Variants in FAM133B observed in about 807,000 individuals in gnomAD.
The protein encoded by FAM133B is family with sequence similarity 133 member B.
In FAM133B, 25 loss-of-function variants were observed where a neutral mutation model predicts 46.4. That is an observed-to-expected ratio of 0.54 (90% confidence interval 0.39 to 0.75). The LOEUF is 0.75. Among genes scored for constraint, FAM133B ranks in the 30% least tolerant of loss-of-function variants. FAM133B has a pLI of 0.00. For synonymous variants in FAM133B, 75 were observed against 86.0 expected (o/e 0.87, Z 0.71); for missense variants, 205 against 277.6 (o/e 0.74, Z 1.86).
intron 9 of FAM133B, among the ~76,000 whole-genome samples, chr7:92,568,504 C>T (rs992563418): frequency 5.5e-4 from 83 of 151,294 alleles, no homozygotes; most frequent in African/African-American, 2.0e-3. Flanking sequence ...ATTACAGGCA[C>T]CTGCCACCAC....
chr7:92,571,957 A>C (rs1794544272), intron 8 of FAM133B, among the ~76,000 whole-genome samples: 1 of 152,122 alleles, frequency 6.6e-6, no homozygotes, highest in African/African-American at 2.4e-5. Flanking sequence ...TTTGGTTACT[A>C]CTATAAAGAG....
chr7:92,574,118 C>G lies in FAM133B; in HGVS notation c.516+1653G>C, dbSNP rs540363755. Among the ~76,000 whole-genome samples the G allele has an allele frequency of 2.6e-5, 4 of 152,260 alleles. No individual in the cohort carries two copies. In the East Asian group the frequency reaches 7.7e-4, roughly 29 times the overall value. ...ATGAAAACATGCATCCATACAAAAA[C>G]TTGTGTTTATAAATGTCCATAGCAT... is the stretch of plus-strand genomic sequence containing the variant. On this transcript the variant is annotated intron_variant, in intron 8 of 10. Coordinates refer to ENST00000445716, the MANE Select transcript of FAM133B (RefSeq NM_152789.4).
chr7:92,575,899 A>AG, intron 7 of FAM133B, 78 bp from the exon 8 acceptor site: 1 of 592,752 alleles, frequency 1.7e-6, no homozygotes, highest in South Asian at 2.4e-5. Context: ...ACACCCAAAA[A>AG]GTGATTTGCT....
intron 1 of FAM133B, among the ~76,000 whole-genome samples, chr7:92,583,787 G>A (rs997743842): frequency 3.3e-5 from 5 of 151,626 alleles, no homozygotes; most frequent in South Asian, 4.2e-4. Flanking sequence ...GGTGGCTCAC[G>A]CCTGTAATCC....
At chr7:92,572,933 T>C (rs1422372341) in intron 8 of FAM133B, among the ~76,000 whole-genome samples, 3 of 151,976 alleles carry the variant, frequency 2.0e-5, no homozygotes, top group East Asian at 1.9e-4. Flanking sequence ...TCAACAGTAA[T>C]GCTGAATGAA....
In FAM133B at chr7:92,578,988, G is replaced by C. The variant is rs189679215; in HGVS notation, c.201+329C>G. On this transcript the variant is annotated intron_variant, in intron 3 of 10. Transcript: ENST00000445716. ...TGCTCAACCCTAACTTGGAATCCAAGTTATCTAAGTCTTAGATGACTTACA... is the reference window on the plus strand; with the variant it reads ...TGCTCAACCCTAACTTGGAATCCAACTTATCTAAGTCTTAGATGACTTACA... 3.9e-5 allele frequency among the ~76,000 whole-genome samples: 6 copies of C among 152,234 alleles called. No homozygotes were observed. The East Asian group carries it at 1.2e-3, about 29-fold the overall frequency.
chr7:92,577,544 A>C, intron 6 of FAM133B, 111 bp downstream of exon 6: 1 of 857,048 alleles, frequency 1.2e-6, no homozygotes, highest in Non-Finnish European at 1.7e-6. Context: ...ATGGATAATT[A>C]ATCAAAACCT....
At chr7:92,573,142 GA>G (rs974142293) in intron 8 of FAM133B, among the ~76,000 whole-genome samples, 1 of 145,820 alleles carries the variant, frequency 6.9e-6, no homozygotes, top group South Asian at 2.1e-4. Flanking sequence ...TATATCAAAG[GA>G]AAAAATGATA....
At chr7:92,566,770 G>T (rs773752799) in intron 9 of FAM133B, among the ~76,000 whole-genome samples, 4 of 152,174 alleles carry the variant, frequency 2.6e-5, no homozygotes, top group Admixed American at 6.5e-5. Flanking sequence ...AATACAGCAG[G>T]TATTTCTCTC....
At chr7:92,588,197 T>A (rs1249654845) in intron 1 of FAM133B, among the ~76,000 whole-genome samples, 3 of 152,218 alleles carry the variant, frequency 2.0e-5, no homozygotes, top group Non-Finnish European at 4.4e-5. Flanking sequence ...CATAGCTGCA[T>A]ACCAAAAGTA....
chr7:92,573,093 A>G (rs1794583997), intron 8 of FAM133B, among the ~76,000 whole-genome samples: 1 of 151,948 alleles, frequency 6.6e-6, no homozygotes. Context: ...AAGTATATAA[A>G]TGTGGATAGG....
chr7:92,568,829 A>G (rs1014426660), intron 9 of FAM133B, among the ~76,000 whole-genome samples: 5 of 152,134 alleles, frequency 3.3e-5, no homozygotes, highest in African/African-American at 9.7e-5. Flanking sequence ...CTCAAACTCC[A>G]GGGCTCAAGC....
chr7:92,562,518 C>T (rs1231474630), intron 10 of FAM133B, 150 bp from the exon 11 acceptor site: 2 of 1,142,042 alleles, frequency 1.8e-6, no homozygotes, highest in East Asian at 5.6e-5. Flanking sequence ...TCTCAACAAC[C>T]AGTATCATAT....
At chr7:92,570,884 C>T (rs1054071153) in intron 8 of FAM133B, among the ~76,000 whole-genome samples, 1 of 152,104 alleles carries the variant, frequency 6.6e-6, no homozygotes, top group African/African-American at 2.4e-5. Flanking sequence ...AGAAATTAAA[C>T]ACCATTAAGA....
At chr7:92,587,047 C>A (rs116801375) in intron 1 of FAM133B, among the ~76,000 whole-genome samples, 1,893 of 152,130 alleles carry the variant, frequency 0.012, 33 homozygotes, top group African/African-American at 0.043. Context: ...CTGGTGCTGG[C>A]GAATGTTGAT....
chr7:92,578,085 T>C, intron 5 of FAM133B, 65 bp downstream of exon 5: 4 of 1,413,298 alleles, frequency 2.8e-6, no homozygotes, highest in Non-Finnish European at 3.0e-6. Context: ...GTTAAACAAA[T>C]TATTCTTACT....
intron 9 of FAM133B, among the ~76,000 whole-genome samples, chr7:92,568,650 G>A (rs1479957497): frequency 6.6e-6 from 1 of 151,496 alleles, no homozygotes; most frequent in African/African-American, 2.4e-5. Flanking sequence ...TTATAAGCAC[G>A]AGCCACTGCG....
At chr7:92,589,691 C>T (rs1275052221) in intron 1 of FAM133B, among the ~76,000 whole-genome samples, 1 of 152,202 alleles carries the variant, frequency 6.6e-6, no homozygotes, top group African/African-American at 2.4e-5. Context: ...CTATGGGGGC[C>T]AGGTCCTACA....
chr7:92,581,824 G>C, intron 1 of FAM133B: 1 of 421,898 alleles, frequency 2.4e-6, no homozygotes, highest in Non-Finnish European at 4.1e-6. Flanking sequence ...GTGTGTGTGT[G>C]TGTGTGTGTT....
Sources: gnomAD v4.1 joint callset for allele counts (sites outside exome capture counted in the v4.1 genomes callset) on GRCh38, gnomAD v4.1.1 for gene constraint, MANE v1.5 for transcripts, NCBI Gene and HGNC (gene_info 2026-07-23, HGNC 2026-07-21) for gene names.